OGDHL: variants seen among roughly 807,000 people sequenced by gnomAD.
OGDHL encodes the protein oxoglutarate dehydrogenase L.
A neutral mutation model predicts 109.6 loss-of-function variants in OGDHL; 79 were observed. The ratio of observed to expected loss-of-function variants is 0.72; its 90% CI spans 0.60 to 0.87. The LOEUF (loss-of-function observed/expected upper bound fraction) is 0.87. Ranked by LOEUF, OGDHL falls within the 40% of genes least tolerant of loss-of-function variation. OGDHL has a pLI of 0.00. For synonymous variants in OGDHL, 528 were observed against 537.2 expected (o/e 0.98, Z 0.24); for missense variants, 1,275 against 1,362.2 (o/e 0.94, Z 1.01).
intron 13 of OGDHL, 100 bp downstream of exon 13, chr10:49,744,550 A>G: frequency 2.2e-6 from 2 of 899,460 alleles, no homozygotes; most frequent in Non-Finnish European, 3.6e-6. Flanking sequence ...CCTCTAGACT[A>G]GGCAATGACA....
intron 3 of OGDHL, among the ~76,000 whole-genome samples, chr10:49,756,163 C>T (rs968032243): frequency 1.3e-5 from 2 of 152,206 alleles, no homozygotes; most frequent in Non-Finnish European, 2.9e-5. Context: ...ATACCTCCTG[C>T]CAGCAGTTCC....
Position 49,738,239 on chromosome 10 carries a change from C to T in OGDHL, c.2343G>A (p.Arg781=). Residue 781 remains arginine, a synonymous_variant, in exon 18 of 23, where the codon AGG becomes AGA. Transcript: ENST00000374103. ...EGMGPEHSSA[R]PERFLQMSND... is the part of the protein sequence containing the mutation. The stretch of plus-strand genomic sequence containing the variant: ...TGCTCATCTGCAGGAACCTTTCGGG[C>T]CTCGCTGACGAGTGCTCTGGGCCCT... 6.2e-7 allele frequency: 1 copy of T among 1,613,422 alleles called. No homozygotes were observed. The highest frequency in any genetic ancestry group is 8.5e-7 in the Non-Finnish European group (1 of 1,180,018).
At chr10:49,738,323 G>C in intron 17 of OGDHL, 61 bp from the exon 18 acceptor site, 1 of 1,577,764 alleles carries the variant, frequency 6.3e-7, no homozygotes, top group South Asian at 1.1e-5. Flanking sequence ...ATCTGGCCCT[G>C]CAGGGACCCC....
chr10:49,738,878 G>C (rs113844189), intron 17 of OGDHL: 1 of 153,244 alleles, frequency 6.5e-6, no homozygotes. Context: ...TCTTGGTGGG[G>C]ACGGCCAAGG....
chr10:49,759,028 C>G (rs1176659400), intron 1 of OGDHL, among the ~76,000 whole-genome samples: 2 of 152,088 alleles, frequency 1.3e-5, no homozygotes, highest in Non-Finnish European at 2.9e-5. Context: ...AGAACCAGGG[C>G]AGGCAGTCCT....
chr10:49,751,052 G>T, intron 6 of OGDHL, 67 bp from the exon 7 acceptor site: 2 of 1,445,370 alleles, frequency 1.4e-6, no homozygotes, highest in Non-Finnish European at 1.9e-6. Flanking sequence ...GGGGCTCACA[G>T]GGGCTGTTCA....
intron 3 of OGDHL, among the ~76,000 whole-genome samples, chr10:49,755,559 G>GT (rs201041931): frequency 3.1e-3 from 462 of 150,950 alleles, no homozygotes; most frequent in Non-Finnish European, 5.4e-3. Flanking sequence ...ATAATACAGT[G>GT]TTTTTTTTTC....
chr10:49,744,041 C>T lies in OGDHL; in HGVS notation c.1814G>A (p.Gly605Asp). ...CAGGGGCACAGAGCTGGCCACACTG[C>T]CGATGTGGGTGAGCATGTCCTCAGG... ...GIPEDMLTHI[G>D]SVASSVPLED... is the part of the protein sequence containing the mutation. The change falls in exon 14 of 23, where the codon GGC (glycine) becomes GAC (aspartate). Residue 605 changes from glycine to aspartate, a missense_variant. Transcript: ENST00000374103. 6.2e-7 allele frequency: 1 copy of T among 1,614,112 alleles called. No individual in the cohort carries two copies. The highest frequency in any genetic ancestry group is 8.5e-7 in the Non-Finnish European group (1 of 1,179,980).
At chr10:49,742,578 C>A (rs1841861241) in intron 15 of OGDHL, among the ~76,000 whole-genome samples, 1 of 148,342 alleles carries the variant, frequency 6.7e-6, no homozygotes, top group South Asian at 2.1e-4. Context: ...ACACCCCCCA[C>A]ACACACATGA....
chr10:49,736,226 C>T lies in OGDHL; in HGVS notation c.2755-49G>A, dbSNP rs528537287. On this transcript the variant is annotated intron_variant, in intron 21 of 22. Transcript: ENST00000374103. ...CATAGCCAGAGGAGGGGCGGTATGT[C>T]CCCAGCACCCCCGGACAGGAGGCAC... 4.8e-5 allele frequency: 75 copies of T among 1,567,948 alleles called. No individual in the cohort carries two copies. The South Asian group carries it at 8.8e-4, about 18-fold the overall frequency.
chr10:49,739,325 C>T (rs1034382931), intron 17 of OGDHL: 4 of 251,014 alleles, frequency 1.6e-5, no homozygotes, highest in Middle Eastern at 1.2e-3. Context: ...AACCTACTCC[C>T]CAGCTCTGTG....
In OGDHL at chr10:49,745,497, CT is replaced by C. The variant is rs1310391256; in HGVS notation, c.1477-2del. ...TGTGGCCACGCCGGCGGTAACAGAC[CT>C]GCAGGAGCAGCCAGAGGGGCTCAGG... On this transcript the variant is annotated splice_acceptor_variant, in intron 11 of 22. Transcript: ENST00000374103. LOFTEE classifies it high-confidence loss of function. The C allele has an allele frequency of 2.5e-6, 4 of 1,613,768 alleles. No homozygotes were observed. The highest frequency in any genetic ancestry group is 3.4e-6 in the Non-Finnish European group (4 of 1,180,032).
chr10:49,743,039 A>G, intron 14 of OGDHL, 61 bp from the exon 15 acceptor site: 3 of 1,580,820 alleles, frequency 1.9e-6, no homozygotes, highest in Non-Finnish European at 2.6e-6. Flanking sequence ...GCGGGTAGGT[A>G]GGTGCTCAGC....
At chr10:49,746,488 G>A (rs1842194314) in intron 10 of OGDHL, among the ~76,000 whole-genome samples, 1 of 152,228 alleles carries the variant, frequency 6.6e-6, no homozygotes, top group Admixed American at 6.5e-5. Context: ...GATTGCCCAT[G>A]TGGGGCTGCA....
rs750420866 is a variant in OGDHL at position 49,758,407 on chromosome 10, G to A, written c.186C>T (p.Asn62=). The part of the protein sequence containing the change: ...MEEMYFAWLE[N]PQSVHKSWDS... ...TGCTGACCTTGTGGACACTCTGGGG[G>A]TTTTCCAACCAGGCGAAGTACATCT... Residue 62 remains asparagine, a synonymous_variant, in exon 2 of 23, where the codon AAC becomes AAT. Coordinates refer to ENST00000374103, the MANE Select transcript of OGDHL (RefSeq NM_018245.3). 6.2e-7 allele frequency: 1 copy of A among 1,613,040 alleles called. No homozygotes were observed. The highest frequency in any genetic ancestry group is 8.5e-7 in the Non-Finnish European group (1 of 1,179,704).
rs1198287823 is a variant in OGDHL at position 49,758,296 on chromosome 10, A to T, written c.204+93T>A. ...AGAAACCTGCCCAGGATCACACAGCAGGCAAGCTGCTTCTCCCCACTGCCC... is the reference window on the plus strand; with the variant it reads ...AGAAACCTGCCCAGGATCACACAGCTGGCAAGCTGCTTCTCCCCACTGCCC... On this transcript the variant is annotated intron_variant, in intron 2 of 22. Transcript: ENST00000374103. 12 of 1,251,624 alleles carry T rather than the reference A, an allele frequency of 9.6e-6. No homozygotes were observed. The Admixed American group carries it at 1.9e-4, about 20-fold the overall frequency. The allele number at this position is 1,251,624 out of a possible 1,614,324, so 77.5% of individuals were successfully genotyped here. A position where few individuals can be genotyped will look rare whatever the true frequency, so the allele number is the denominator to read the frequency against.
rs567937104 is a variant in OGDHL, at chr10:49,737,947, C to T, written c.2517G>A (p.Pro839=). The T allele has an allele frequency of 1.5e-5, 24 of 1,614,132 alleles. No individual in the cohort carries two copies. Among genetic ancestry groups the T allele is most frequent in the East Asian group, 1.1e-4 (5 of 44,880 alleles). Residue 839 remains proline (P), a splice_region_variant and synonymous_variant, in exon 19 of 23, where the codon CCG becomes CCA. Coordinates refer to ENST00000374103, the MANE Select transcript of OGDHL (RefSeq NM_018245.3). ...RRQILLPFRK[P]LIIFTPKSLL... ...CCCCTGCCCTGGGACGGAGACTCAC[C>T]GGCTTGCGGAAGGGCAGCAGGATCT... is the stretch of plus-strand genomic sequence containing the variant.
chr10:49,759,873 T>G (rs1354125215), intron 1 of OGDHL, among the ~76,000 whole-genome samples: 1 of 152,108 alleles, frequency 6.6e-6, no homozygotes, highest in Non-Finnish European at 1.5e-5. Flanking sequence ...AAATGTGCAT[T>G]CTGGGGTATA....
At chr10:49,758,707 T>C (rs1171853408) in intron 1 of OGDHL, 114 bp from the exon 2 acceptor site, 1 of 1,063,208 alleles carries the variant, frequency 9.4e-7, no homozygotes, top group East Asian at 2.6e-5. Context: ...CAGATGGTGC[T>C]GGGCTAGGCA....
Sources: gnomAD v4.1 joint callset for allele counts (sites outside exome capture counted in the v4.1 genomes callset) on GRCh38, gnomAD v4.1.1 for gene constraint, MANE v1.5 for transcripts, NCBI Gene and HGNC (gene_info 2026-07-23, HGNC 2026-07-21) for gene names.